Variants in MINDY3 observed in about 807,000 individuals in gnomAD.
MINDY3 encodes MINDY lysine 48 deubiquitinase 3.
A neutral mutation model predicts 69.2 loss-of-function variants in MINDY3; 38 were observed. That is an observed-to-expected ratio of 0.55 (90% CI 0.42 to 0.72). MINDY3 has a LOEUF of 0.72. Among genes scored for constraint, MINDY3 ranks in the 30% least tolerant of loss-of-function variants. MINDY3 has a pLI of 0.00. For missense variants in MINDY3, 522 were observed against 519.0 expected (o/e 1.01, Z -0.06); for synonymous variants, 192 against 180.1 (o/e 1.07, Z -0.53).
rs565215923 is a variant in MINDY3 at position 15,834,515 on chromosome 10, G to A, written c.650+28C>T. On this transcript the variant is annotated intron_variant, in intron 7 of 14. Coordinates refer to ENST00000277632, the MANE Select transcript of MINDY3 (RefSeq NM_024948.4). The stretch of plus-strand genomic sequence containing the variant: ...AGTTTCTAAAAACTGGAGTTCACAT[G>A]AGGAGACAAGAGATTTTAGTTAATT... 3.8e-5 allele frequency: 57 copies of A among 1,510,414 alleles called. No individual in the cohort carries two copies. In the South Asian group the frequency reaches 6.6e-4, roughly 18 times the overall value. 93.6% of individuals were successfully genotyped at this position (1,510,414 alleles called of 1,614,324 possible). A position where few individuals can be genotyped will look rare whatever the true frequency, so the allele number is the denominator to read the frequency against.
chr10:15,789,074 T>C, intron 12 of MINDY3, 173 bp downstream of exon 12: 1 of 434,970 alleles, frequency 2.3e-6, no homozygotes, highest in Non-Finnish European at 4.1e-6. Context: ...TTTAAGTATG[T>C]CAAGTCTGCT....
At chr10:15,845,430 T>G (rs1564525055) in intron 2 of MINDY3, among the ~76,000 whole-genome samples, 1 of 152,232 alleles carries the variant, frequency 6.6e-6, no homozygotes, top group African/African-American at 2.4e-5. Context: ...CTGGTCTCCT[T>G]AATAACTTAG....
chr10:15,813,084 T>A (rs2131962537), intron 10 of MINDY3, among the ~76,000 whole-genome samples: 1 of 152,322 alleles, frequency 6.6e-6, no homozygotes, highest in Admixed American at 6.5e-5. Flanking sequence ...TAGCTAGAGT[T>A]ATCTTTTACA....
intron 8 of MINDY3, among the ~76,000 whole-genome samples, chr10:15,826,531 C>T (rs896977145): frequency 8.6e-5 from 13 of 152,044 alleles, no homozygotes; most frequent in African/African-American, 3.1e-4. Context: ...ATAATGTAAC[C>T]AATCCAAATC....
At chr10:15,802,872 T>A (rs1838364274) in intron 10 of MINDY3, among the ~76,000 whole-genome samples, 1 of 152,060 alleles carries the variant, frequency 6.6e-6, no homozygotes, top group African/African-American at 2.4e-5. Context: ...ACAGCTAATT[T>A]GGTCAACTCT....
intron 11 of MINDY3, 149 bp from the exon 12 acceptor site, chr10:15,789,468 C>A: frequency 1.8e-6 from 1 of 553,280 alleles, no homozygotes. Flanking sequence ...GGCATAGTGC[C>A]TATTGCTATT....
At position 15,778,874 on chromosome 10, in the gene MINDY3, A is replaced by T. The variant is rs1836296601; in HGVS notation, c.*118T>A. ...CATAAACACTGAAAATGTGTTTTTA[A>T]TTGTTATTTACAGTTAATCAGTGAT... On this transcript the variant is annotated 3_prime_UTR_variant, in exon 15 of 15. Transcript: ENST00000277632. The T allele has an allele frequency of 3.9e-6, 3 of 761,658 alleles. No homozygotes were observed. The highest frequency in any genetic ancestry group is 4.0e-6 in the Non-Finnish European group (2 of 494,336). 47.2% of individuals were successfully genotyped at this position (761,658 alleles called of 1,614,324 possible).
chr10:15,784,817 G>C lies in MINDY3; in HGVS notation c.1116+1744C>G, dbSNP rs145816571. Among the ~76,000 whole-genome samples, 17 of 152,304 alleles carry C rather than the reference G, an allele frequency of 1.1e-4. No individual in the cohort carries two copies. In the East Asian group the frequency reaches 3.3e-3, roughly 29 times the overall value. On this transcript the variant is annotated intron_variant, in intron 13 of 14. Coordinates refer to ENST00000277632, the MANE Select transcript of MINDY3 (RefSeq NM_024948.4). Reference sequence around the variant, plus strand: ...AGTATGTGACTAATTGCCAAAAGGAGTGTTGAGTCACTATGCATTTTGTGG... The same window carrying C: ...AGTATGTGACTAATTGCCAAAAGGACTGTTGAGTCACTATGCATTTTGTGG...
At chr10:15,821,470 G>C (rs1295520112) in intron 9 of MINDY3, among the ~76,000 whole-genome samples, 186 bp downstream of exon 9, 1 of 152,074 alleles carries the variant, frequency 6.6e-6, no homozygotes, top group African/African-American at 2.4e-5. Flanking sequence ...AGGAAACTCA[G>C]CATAATCAGC....
At chr10:15,797,447 C>T (rs554522028) in intron 10 of MINDY3, among the ~76,000 whole-genome samples, 65 of 152,234 alleles carry the variant, frequency 4.3e-4, no homozygotes, top group South Asian at 8.3e-4. Flanking sequence ...ATAATGTATA[C>T]GCCCAAGTGA....
intron 11 of MINDY3, among the ~76,000 whole-genome samples, chr10:15,793,687 T>C (rs886121570): frequency 6.6e-6 from 1 of 152,118 alleles, no homozygotes; most frequent in Non-Finnish European, 1.5e-5. Flanking sequence ...CATTTAGGTA[T>C]GTGGCTCTGG....
chr10:15,838,948 A>T (rs983174322), intron 4 of MINDY3, among the ~76,000 whole-genome samples: 4 of 151,566 alleles, frequency 2.6e-5, no homozygotes, highest in Non-Finnish European at 4.4e-5. Flanking sequence ...CCTCATATAA[A>T]CCCTCTTAGC....
At chr10:15,860,171 C>T (rs1337228911) in intron 1 of MINDY3, 35 bp downstream of exon 1, 1 of 1,503,724 alleles carries the variant, frequency 6.7e-7, no homozygotes, top group South Asian at 1.2e-5. Flanking sequence ...GCAAAAGAAG[C>T]AGCGGCTGCA....
intron 5 of MINDY3, chr10:15,838,008 G>A (rs1833205356): frequency 1.0e-6 from 1 of 979,048 alleles, no homozygotes; most frequent in Non-Finnish European, 1.2e-6. Flanking sequence ...TAATGTTTTT[G>A]AAAAGCGTAT....
At chr10:15,848,355 C>T (rs1564528697) in intron 1 of MINDY3, among the ~76,000 whole-genome samples, 1 of 152,138 alleles carries the variant, frequency 6.6e-6, no homozygotes, top group African/African-American at 2.4e-5. Flanking sequence ...ATGGCATTGG[C>T]CGGGCACAGT....
intron 10 of MINDY3, among the ~76,000 whole-genome samples, chr10:15,799,551 C>G (rs921219747): frequency 3.3e-5 from 5 of 152,010 alleles, no homozygotes; most frequent in Admixed American, 3.3e-4. Flanking sequence ...GTAAAGACAT[C>G]TTAATCACTT....
chr10:15,830,326 CTCT>C (rs1005526745), intron 8 of MINDY3, among the ~76,000 whole-genome samples: 68 of 152,278 alleles, frequency 4.5e-4, no homozygotes, highest in African/African-American at 1.6e-3. Flanking sequence ...TGATGAATAT[CTCT>C]TTTTTGCCAT....
intron 9 of MINDY3, chr10:15,817,212 C>G (rs1325896181): frequency 8.2e-6 from 2 of 243,996 alleles, no homozygotes; most frequent in African/African-American, 4.5e-5. Flanking sequence ...TGCTAAAGTT[C>G]CTAGATAAAA....
intron 6 of MINDY3, 111 bp downstream of exon 6, chr10:15,837,093 T>C (rs1364751893): frequency 4.0e-5 from 25 of 619,310 alleles, no homozygotes; most frequent in Non-Finnish European, 6.7e-5. Context: ...TAAAAGATTT[T>C]TATTCTAAGA....
Sources: allele counts gnomAD v4.1 joint callset (sites outside exome capture counted in the v4.1 genomes callset), GRCh38; gene constraint gnomAD v4.1.1; transcripts MANE v1.5; gene names NCBI Gene and HGNC (gene_info 2026-07-23, HGNC 2026-07-21).